Variants in TTF1 observed in about 807,000 individuals in gnomAD.
TTF1 encodes transcription termination factor 1.
Under a neutral mutation model 80.2 loss-of-function variants are expected in TTF1, and 64 were observed. The ratio of observed to expected loss-of-function variants is 0.80; its 90% confidence interval spans 0.65 to 0.98. The LOEUF is 0.98. Ranked by LOEUF, TTF1 falls within the 50% of genes least tolerant of loss-of-function variation. The pLI, the probability that TTF1 is intolerant of heterozygous loss-of-function variation, is 0.00. For synonymous variants in TTF1, 372 were observed against 382.7 expected (o/e 0.97, Z 0.33); for missense variants, 1,023 against 1,086.2 (o/e 0.94, Z 0.82).
In TTF1 at chr9:132,392,147, C is replaced by T. The variant is rs1428112946; in HGVS notation, c.1916G>A (p.Trp639Ter). ...GGCCACCATCTCACCAATCGTCTTC[C>T]AGTCATTCCCAAGGAGAGAATGGTA... The part of the protein sequence containing the change: ...KMYHSLLGND[W>*]KTIGEMVARS... The change falls in exon 6 of 11, where the codon TGG becomes TAG. Residue 639 changes from tryptophan (W) to a stop codon, truncating the protein, a stop_gained. Coordinates refer to ENST00000334270, the MANE Select transcript of TTF1 (RefSeq NM_007344.4). LOFTEE classifies it high-confidence loss of function. The T allele has an allele frequency of 2.5e-6, 4 of 1,614,066 alleles. No individual in the cohort carries two copies. Among genetic ancestry groups the T allele is most frequent in the South Asian group, 1.1e-5 (1 of 91,076 alleles).
In TTF1 at chr9:132,402,722, G is replaced by C; in HGVS notation, c.100C>G (p.His34Asp). ...AGGGAGGAGTCTCTGAAAATTTCGT[G>C]GGAATGTTTCTGAGGTCTTTCCTTA... is the stretch of plus-strand genomic sequence containing the variant. The part of the protein sequence containing the change: ...IHKERPQKHS[H>D]EIFRDSSLVN... The change falls in exon 2 of 11, where the codon CAC (histidine) becomes GAC (aspartate). Residue 34 changes from histidine (H) to aspartate (D), a missense_variant. Transcript: ENST00000334270. 1 of 1,614,004 alleles carries C rather than the reference G, an allele frequency of 6.2e-7. No homozygotes were observed. The highest frequency in any genetic ancestry group is 8.5e-7 in the Non-Finnish European group (1 of 1,180,016).
chr9:132,399,263 C>T (rs569015213), intron 3 of TTF1, among the ~76,000 whole-genome samples: 1 of 143,766 alleles, frequency 7.0e-6, no homozygotes, highest in African/African-American at 2.6e-5. Flanking sequence ...AAAATTTCAA[C>T]ACAATACACC....
intron 5 of TTF1, among the ~76,000 whole-genome samples, chr9:132,394,348 C>T (rs774249041): frequency 6.6e-5 from 10 of 151,564 alleles, no homozygotes; most frequent in African/African-American, 9.7e-5. Context: ...GGCGCAATCT[C>T]GGTTCACAGC....
chr9:132,399,654 T>C (rs1482237457), intron 3 of TTF1, among the ~76,000 whole-genome samples: 1 of 152,230 alleles, frequency 6.6e-6, no homozygotes, highest in Non-Finnish European at 1.5e-5. Flanking sequence ...ATCAATTTAA[T>C]ATCTTGGAGA....
rs948593400 is a variant in TTF1 at position 132,401,758 on chromosome 9, C to T, written c.1064G>A (p.Ser355Asn). Residue 355 changes from serine to asparagine, a missense_variant, in exon 2 of 11, where the codon AGT (serine) becomes AAT (asparagine). Ser to Asn is a conservative substitution (Grantham distance 46, BLOSUM62 1). Coordinates refer to ENST00000334270, the MANE Select transcript of TTF1 (RefSeq NM_007344.4). ...CACCTGTGATCCTTCAGGGTATGCA[C>T]TCTCGAGGCTCTCAGGCATGGCCAC... ...EAVAMPESLE[S>N]AYPEGSQVGS... 16 of 1,613,956 alleles carry T rather than the reference C, an allele frequency of 9.9e-6. No individual in the cohort carries two copies. Among genetic ancestry groups the T allele is most frequent in the Admixed American group, 1.7e-5 (1 of 59,996 alleles).
chr9:132,382,761 C>CAAAAAAA (rs55904518), intron 9 of TTF1, among the ~76,000 whole-genome samples: 538 of 135,308 alleles, frequency 4.0e-3, no homozygotes, highest in East Asian at 6.4e-3. Flanking sequence ...ACTAAAAATA[C>CAAAAAAA]AAAAAAAAAA....
chr9:132,396,533 T>C, intron 4 of TTF1, 22 bp from the exon 5 acceptor site: 2 of 1,604,740 alleles, frequency 1.2e-6, no homozygotes, highest in Non-Finnish European at 8.5e-7. Flanking sequence ...AGAAAGGTGA[T>C]CAGAGGGACT....
At chr9:132,376,240 G>A (rs778897701) in intron 10 of TTF1, 72 bp from the exon 11 acceptor site, 1 of 1,492,344 alleles carries the variant, frequency 6.7e-7, no homozygotes, top group Non-Finnish European at 9.0e-7. Context: ...AGGCATACAG[G>A]AGGCTGGTAA....
chr9:132,378,589 A>ATGCATGTGGTGTGAG (rs1433333484), intron 10 of TTF1, among the ~76,000 whole-genome samples: 1 of 46,260 alleles, frequency 2.2e-5, no homozygotes, highest in Non-Finnish European at 3.4e-5. Flanking sequence ...TGGTGTGTGA[A>ATGCATGTGGTGTGAG]TGCATGTGGT....
chr9:132,404,947 G>C (rs954337060), intron 1 of TTF1, among the ~76,000 whole-genome samples: 1 of 150,024 alleles, frequency 6.7e-6, no homozygotes, highest in Non-Finnish European at 1.5e-5. Flanking sequence ...GTGCAGTGGC[G>C]TGATCTCAGC....
intron 1 of TTF1, 48 bp from the exon 2 acceptor site, chr9:132,402,876 G>A: frequency 6.6e-7 from 1 of 1,508,124 alleles, no homozygotes; most frequent in African/African-American, 1.4e-5. Context: ...TTTTTTTTGA[G>A]ACGGAGTCTC....
Position 132,402,003 on chromosome 9 carries a change from T to G in TTF1, c.819A>C (p.Lys273Asn), listed in dbSNP as rs549669869. 1 of 1,613,948 alleles carries G rather than the reference T, an allele frequency of 6.2e-7. No individual in the cohort carries two copies. The highest frequency in any genetic ancestry group is 1.1e-5 in the South Asian group (1 of 91,070). Residue 273 changes from lysine (K) to asparagine (N), a missense_variant, in exon 2 of 11, where the codon AAA becomes AAC. Coordinates refer to ENST00000334270, the MANE Select transcript of TTF1 (RefSeq NM_007344.4). The stretch of plus-strand genomic sequence containing the variant: ...TTTTCTTCTTTTTTTTCTTAGACTT[T>G]TTTTTGTGAGTAGGTCCTAGTAGTT... Reference protein sequence around the residue: ...TPQLLGPTHKKKSKKKKKKKS... With the variant: ...TPQLLGPTHKNKSKKKKKKKS...
In TTF1 at chr9:132,402,132, T is replaced by C. The variant is rs992126417; in HGVS notation, c.690A>G (p.Glu230=). 2 of 1,614,140 alleles carry C rather than the reference T, an allele frequency of 1.2e-6. No homozygotes were observed. The highest frequency in any genetic ancestry group is 1.7e-6 in the Non-Finnish European group (2 of 1,180,014). The change falls in exon 2 of 11, where the codon GAA becomes GAG. Residue 230 remains glutamate, a synonymous_variant. Transcript: ENST00000334270. The part of the protein sequence containing the change: ...KKKKKKSSNR[E]YETLAMPEGS... ...CTTCAGGCATGGCCAGTGTCTCATA[T>C]TCCCGGTTACTGGACTTTTTCTTTT...
At chr9:132,385,089 C>A (rs972701128) in intron 9 of TTF1, among the ~76,000 whole-genome samples, 3 of 152,194 alleles carry the variant, frequency 2.0e-5, no homozygotes, top group Non-Finnish European at 4.4e-5. Flanking sequence ...TTGTTACACA[C>A]AACTAAAACG....
Position 132,401,696 on chromosome 9 carries a change from G to A in TTF1, c.1126C>T (p.Leu376Phe), listed in dbSNP as rs1340574265. 1.9e-6 allele frequency: 3 copies of A among 1,614,066 alleles called. No homozygotes were observed. Among genetic ancestry groups the A allele is most frequent in the Non-Finnish European group, 2.5e-6 (3 of 1,180,054 alleles). Reference sequence around the variant, plus strand: ...CTGTTGGATTCCTTGAACCCTTTAAGAGCTGTACTGCCTTCCACAGTCCCA... The same window carrying A: ...CTGTTGGATTCCTTGAACCCTTTAAAAGCTGTACTGCCTTCCACAGTCCCA... Reference protein sequence around the residue: ...EVGTVEGSTALKGFKESNSTK... With the variant: ...EVGTVEGSTAFKGFKESNSTK... Residue 376 changes from leucine (L) to phenylalanine (F), a missense_variant, in exon 2 of 11, where the codon CTT becomes TTT. By Grantham distance (22) the Leu-to-Phe change is conservative (BLOSUM62 0). Transcript: ENST00000334270.
At chr9:132,377,389 T>C (rs939218006) in intron 10 of TTF1, among the ~76,000 whole-genome samples, 1 of 130,430 alleles carries the variant, frequency 7.7e-6, no homozygotes, top group South Asian at 2.6e-4. Context: ...TGTGAGTGCA[T>C]GTGGTGTGAG....
chr9:132,402,142 C>T lies in TTF1; in HGVS notation c.680G>A (p.Ser227Asn), dbSNP rs146633572. 1.2e-5 allele frequency: 19 copies of T among 1,613,884 alleles called. No individual in the cohort carries two copies. The South Asian group carries it at 1.3e-4, about 11-fold the overall frequency. The change falls in exon 2 of 11, where the codon AGT becomes AAT. Residue 227 changes from serine (S) to asparagine (N), a missense_variant. Physicochemically the swap from Ser to Asn is conservative, Grantham distance 46. Coordinates refer to ENST00000334270, the MANE Select transcript of TTF1 (RefSeq NM_007344.4). ...NKSKKKKKKS[S>N]NREYETLAMP... ...GGCCAGTGTCTCATATTCCCGGTTA[C>T]TGGACTTTTTCTTTTTTTTCTTAGA...
At chr9:132,377,335 A>G (rs1474068126) in intron 10 of TTF1, among the ~76,000 whole-genome samples, 3 of 111,634 alleles carry the variant, frequency 2.7e-5, no homozygotes. Flanking sequence ...GTGTGAATGC[A>G]TGTGGTGTGA....
At chr9:132,393,275 C>CG (rs1473061225) in intron 5 of TTF1, among the ~76,000 whole-genome samples, 27 of 151,970 alleles carry the variant, frequency 1.8e-4, no homozygotes, top group Middle Eastern at 3.2e-3. Flanking sequence ...GCAAGCCCCC[C>CG]CCGCAAACTG....
Sources: gnomAD v4.1 joint callset for allele counts (sites outside exome capture counted in the v4.1 genomes callset) on GRCh38, gnomAD v4.1.1 for gene constraint, MANE v1.5 for transcripts, NCBI Gene and HGNC (gene_info 2026-07-23, HGNC 2026-07-21) for gene names.